CYB5R3: variants seen among roughly 807,000 people sequenced by gnomAD.
CYB5R3 encodes the protein cytochrome b5 reductase 3.
Under a neutral mutation model 36.5 loss-of-function variants are expected in CYB5R3, and 28 were observed. That is an observed-to-expected ratio of 0.77 (90% confidence interval 0.57 to 1.05). The LOEUF (loss-of-function observed/expected upper bound fraction) is 1.05. Among genes scored for constraint, CYB5R3 ranks in the 50% least tolerant of loss-of-function variants. CYB5R3 has a pLI of 0.00. For missense variants in CYB5R3, 474 were observed against 408.9 expected (o/e 1.16, Z -1.37); for synonymous variants, 181 against 159.8 (o/e 1.13, Z -1.00).
At chr22:42,620,569 A>C (rs1927910271) in intron 8 of CYB5R3, among the ~76,000 whole-genome samples, 1 of 152,064 alleles carries the variant, frequency 6.6e-6, no homozygotes, top group Non-Finnish European at 1.5e-5. Flanking sequence ...AACCAGAAAC[A>C]ACCACCCCAC....
At chr22:42,643,882 A>G (rs976396658) in intron 1 of CYB5R3, among the ~76,000 whole-genome samples, 2 of 152,052 alleles carry the variant, frequency 1.3e-5, no homozygotes, top group African/African-American at 4.8e-5. Flanking sequence ...CACAGCGGTC[A>G]GCGCCCCTGA....
chr22:42,636,250 A>AAAGT (rs1305036445), intron 2 of CYB5R3, among the ~76,000 whole-genome samples: 7 of 152,074 alleles, frequency 4.6e-5, no homozygotes, highest in Admixed American at 3.9e-4. Context: ...CTAATGAAAG[A>AAAGT]AAGTAAGAAT....
chr22:42,624,014 G>A (rs1569317077), intron 7 of CYB5R3, 126 bp from the exon 8 acceptor site: 2 of 793,596 alleles, frequency 2.5e-6, no homozygotes, highest in Admixed American at 2.0e-5. Flanking sequence ...CTTTCAGGAG[G>A]GGACTCGGCC....
chr22:42,647,366 C>A (rs555982868), intron 1 of CYB5R3, among the ~76,000 whole-genome samples: 2 of 152,320 alleles, frequency 1.3e-5, no homozygotes, highest in South Asian at 4.1e-4. Flanking sequence ...GTAATCCCAG[C>A]ACTTTGAGGA....
intron 1 of CYB5R3, among the ~76,000 whole-genome samples, chr22:42,648,609 G>C (rs566372327): frequency 6.6e-6 from 1 of 152,244 alleles, no homozygotes; most frequent in East Asian, 1.9e-4. Flanking sequence ...CTGTGAAATG[G>C]GGCAAACAGC....
chr22:42,633,615 C>G (rs1044775690), intron 2 of CYB5R3, among the ~76,000 whole-genome samples: 19 of 152,190 alleles, frequency 1.2e-4, no homozygotes, highest in Non-Finnish European at 2.9e-5. Flanking sequence ...GAAACCCCAT[C>G]TCTACTAAAA....
In CYB5R3 at chr22:42,631,457, A is replaced by G; in HGVS notation, c.154-7T>C. 3 of 1,551,528 alleles carry G rather than the reference A, an allele frequency of 1.9e-6. No individual in the cohort carries two copies. The South Asian group carries it at 3.6e-5, about 18-fold the overall frequency. On this transcript the variant is annotated splice_region_variant and splice_polypyrimidine_tract_variant and intron_variant, in intron 2 of 8. Transcript: ENST00000352397. ...GGGTGTCATGGCTGATGATCTGGAG[A>G]GAGGCCCAAAGCTGCTGAACGGTCC... is the stretch of plus-strand genomic sequence containing the variant.
chr22:42,631,002 C>T lies in CYB5R3; in HGVS notation c.227-14G>A, dbSNP rs376268201. On this transcript the variant is annotated splice_polypyrimidine_tract_variant and intron_variant, in intron 3 of 8. Coordinates refer to ENST00000352397, the MANE Select transcript of CYB5R3 (RefSeq NM_000398.7). ...AGATGTGCTGGCCTGCAGGACAGAACGGGGTCACTCTGGGCCAGAGATCAT... is the reference window on the plus strand; with the variant it reads ...AGATGTGCTGGCCTGCAGGACAGAATGGGGTCACTCTGGGCCAGAGATCAT... 9.9e-6 allele frequency: 16 copies of T among 1,610,128 alleles called. No homozygotes were observed. The highest frequency in any genetic ancestry group is 5.5e-5 in the South Asian group (5 of 90,652).
chr22:42,628,393 T>A, intron 4 of CYB5R3, 112 bp from the exon 5 acceptor site: 1 of 1,390,086 alleles, frequency 7.2e-7, no homozygotes, highest in Non-Finnish European at 1.0e-6. Context: ...GGCCCACACA[T>A]GGCCTTCTCC....
chr22:42,619,606 G>T lies in CYB5R3; in HGVS notation c.*167C>A. 3.0e-6 allele frequency: 2 copies of T among 658,896 alleles called. No homozygotes were observed. The highest frequency in any genetic ancestry group is 3.7e-5 in the South Asian group (2 of 53,882). 40.8% of individuals were successfully genotyped at this position (658,896 alleles called of 1,614,324 possible). A position where few individuals can be genotyped will look rare whatever the true frequency, so the allele number is the denominator to read the frequency against. ...CGTGGCCCATCTGGGACACAGCCCT[G>T]CTCCCGAAGGGGCTCCAGGGGAACT... On this transcript the variant is annotated 3_prime_UTR_variant, in exon 9 of 9. Transcript: ENST00000352397.
At chr22:42,639,806 G>C (rs1929139017) in intron 1 of CYB5R3, 3 of 831,580 alleles carry the variant, frequency 3.6e-6, no homozygotes, top group South Asian at 3.8e-5. Context: ...TATAGACACA[G>C]TTGACCCTTG....
chr22:42,623,334 G>A (rs1418923582), intron 8 of CYB5R3, among the ~76,000 whole-genome samples: 1 of 152,210 alleles, frequency 6.6e-6, no homozygotes, highest in Non-Finnish European at 1.5e-5. Flanking sequence ...GGTGGAACAA[G>A]GGTAACCCCA....
Position 42,639,864 on chromosome 22 carries a change from T to C in CYB5R3, c.22-3018A>G. 3 of 1,314,212 alleles carry C rather than the reference T, an allele frequency of 2.3e-6. No homozygotes were observed. The South Asian group carries it at 4.7e-5, about 21-fold the overall frequency. The allele number at this position is 1,314,212 out of a possible 1,614,324, so 81.4% of individuals were successfully genotyped here. ...TTCACTTTTTTTTTTTTTTGGAATT[T>C]CTGACAAATCTTATTTTATTCAGAT... is the stretch of plus-strand genomic sequence containing the variant. On this transcript the variant is annotated intron_variant, in intron 1 of 8. Transcript: ENST00000352397.
rs766291356 is a variant in CYB5R3 at position 42,627,360 on chromosome 22, C to T, written c.577G>A (p.Ala193Thr). The change falls in exon 7 of 9, where the codon GCC becomes ACC. Residue 193 changes from alanine to threonine, a missense_variant. Ala to Thr is a moderately conservative substitution (Grantham distance 58). Coordinates refer to ENST00000352397, the MANE Select transcript of CYB5R3 (RefSeq NM_000398.7). ...TGGTCATCAGGGTCCTTCATGATGG[C>T]GCGGATCACCTGCAGCATCGGGGTG... ...GITPMLQVIR[A>T]IMKDPDDHTV... 8.2e-5 allele frequency: 132 copies of T among 1,613,900 alleles called. No homozygotes were observed. The highest frequency in any genetic ancestry group is 8.0e-4 in the East Asian group (36 of 44,872).
intron 2 of CYB5R3, 62 bp from the exon 3 acceptor site, chr22:42,631,512 C>A: frequency 7.0e-7 from 1 of 1,434,708 alleles, no homozygotes; most frequent in South Asian, 1.2e-5. Flanking sequence ...GGGCGGCTCC[C>A]AGGCCTCGGA....
chr22:42,623,766 A>C, intron 8 of CYB5R3, 23 bp downstream of exon 8: 1 of 1,601,790 alleles, frequency 6.2e-7, no homozygotes, highest in Non-Finnish European at 8.6e-7. Flanking sequence ...CCACCCACCC[A>C]GTGAGGGGCC....
chr22:42,621,182 T>TTGTGTGTGTGTG (rs1219788150), intron 8 of CYB5R3, among the ~76,000 whole-genome samples: 150 of 105,074 alleles, frequency 1.4e-3, no homozygotes, highest in African/African-American at 6.5e-3. Flanking sequence ...GATTTCTTTT[T>TTGTGTGTGTGTG]AGTGTGTGTG....
Position 42,619,516 on chromosome 22 carries a change from A to T in CYB5R3, c.*257T>A. Reference sequence around the variant, plus strand: ...TGGACGAGGGGTCATGAGGACAGGGATGGGGCTGGGCGTCTCTGGTAAGGA... The same window carrying T: ...TGGACGAGGGGTCATGAGGACAGGGTTGGGGCTGGGCGTCTCTGGTAAGGA... On this transcript the variant is annotated 3_prime_UTR_variant, in exon 9 of 9. Transcript: ENST00000352397. 1.8e-6 allele frequency: 1 copy of T among 554,078 alleles called. No homozygotes were observed. The highest frequency in any genetic ancestry group is 3.3e-6 in the Non-Finnish European group (1 of 307,188). 34.3% of individuals were successfully genotyped at this position (554,078 alleles called of 1,614,324 possible).
rs779815973 is a variant in CYB5R3, at chr22:42,636,806, CTG to C, written c.60_61del (p.Tyr20Ter). The C allele has an allele frequency of 1.2e-6, 2 of 1,613,984 alleles. No individual in the cohort carries two copies. Among genetic ancestry groups the C allele is most frequent in the Non-Finnish European group, 1.7e-6 (2 of 1,180,018 alleles). ...GCGCTGGAACAGCTTCATGAGCAGA[CTG>C]TACAGGAACCAGACTGGGAAGAGCA... On this transcript the variant is annotated stop_gained and frameshift_variant, in exon 2 of 9. Transcript: ENST00000352397. LOFTEE classifies it high-confidence loss of function.
Sources: allele counts gnomAD v4.1 joint callset (sites outside exome capture counted in the v4.1 genomes callset), GRCh38; gene constraint gnomAD v4.1.1; transcripts MANE v1.5; gene names NCBI Gene and HGNC (gene_info 2026-07-23, HGNC 2026-07-21).